Variants in ZNF558 observed in about 807,000 individuals in gnomAD.
ZNF558 encodes zinc finger protein 558.
Under a neutral mutation model 37.6 loss-of-function variants are expected in ZNF558, and 23 were observed. The observed-to-expected ratio is 0.61, with a 90% CI of 0.44 to 0.87. The LOEUF (loss-of-function observed/expected upper bound fraction) is 0.87, where lower values mean the gene tolerates loss of function less well. ZNF558 is among the 40% of genes least tolerant of loss of function. The pLI is 0.00. For missense variants in ZNF558, 429 were observed against 483.7 expected (o/e 0.89, Z 1.06); for synonymous variants, 189 against 174.4 (o/e 1.08, Z -0.66).
intron 7 of ZNF558, 131 bp downstream of exon 7, chr19:8,821,049 G>A (rs1000262306): frequency 2.9e-6 from 4 of 1,361,596 alleles, no homozygotes; most frequent in Middle Eastern, 4.4e-4. Flanking sequence ...CACTGGACTG[G>A]ATATCTTAGA....
In ZNF558 at chr19:8,809,153, T is replaced by C. The variant is rs916160404; in HGVS notation, c.*2128A>G. The C allele has an allele frequency of 1.2e-4, 18 of 152,238 alleles. No individual in the cohort carries two copies. The highest frequency in any genetic ancestry group is 4.3e-4 in the African/African-American group (18 of 41,466). 9.4% of individuals were successfully genotyped at this position (152,238 alleles called of 1,614,324 possible). ...GCAGATGCAGCCAATCGGAGGCTCC[T>C]GGAGAGCCCAAAGCATTGTGATTTT... On this transcript the variant is annotated 3_prime_UTR_variant, in exon 10 of 10. Coordinates refer to ENST00000601372, the MANE Select transcript of ZNF558 (RefSeq NM_144693.3).
rs782222908 is a variant in ZNF558 at position 8,811,230 on chromosome 19, T to C, written c.*51A>G. On this transcript the variant is annotated 3_prime_UTR_variant, in exon 10 of 10. Coordinates refer to ENST00000601372, the MANE Select transcript of ZNF558 (RefSeq NM_144693.3). ...CCAGTGTGAGCTCTCTCAAACTATC[T>C]TAGGGATGAAAGATCAATGAGTGCT... The C allele has an allele frequency of 6.6e-7, 1 of 1,505,392 alleles. No homozygotes were observed. The highest frequency in any genetic ancestry group is 8.9e-7 in the Non-Finnish European group (1 of 1,124,306). 93.3% of individuals were successfully genotyped at this position (1,505,392 alleles called of 1,614,324 possible).
chr19:8,826,718 T>C (rs1044670104), intron 2 of ZNF558, among the ~76,000 whole-genome samples: 1 of 152,170 alleles, frequency 6.6e-6, no homozygotes, highest in African/African-American at 2.4e-5. Context: ...CTAGAGGGAA[T>C]GCAGGCCTTC....
intron 2 of ZNF558, among the ~76,000 whole-genome samples, chr19:8,829,089 C>G (rs2044294530): frequency 6.6e-6 from 1 of 151,982 alleles, no homozygotes; most frequent in Non-Finnish European, 1.5e-5. Flanking sequence ...TGGTGAAACC[C>G]CGTCTCTACT....
At position 8,808,786 on chromosome 19, in the gene ZNF558, ATTTG is replaced by A. The variant is rs1255909713; in HGVS notation, c.*2491_*2494del. On this transcript the variant is annotated 3_prime_UTR_variant, in exon 10 of 10. Transcript: ENST00000601372. The stretch of plus-strand genomic sequence containing the variant: ...GGGGTTTCTTTTTTTAAAAATATTT[ATTTG>A]TTTATTTTGAGATGGAGTCTCGCTC... 28 of 152,062 alleles carry A rather than the reference ATTTG, an allele frequency of 1.8e-4. No individual in the cohort carries two copies. Among genetic ancestry groups the A allele is most frequent in the African/African-American group, 6.5e-4 (27 of 41,494 alleles). The allele number at this position is 152,062 out of a possible 1,614,324, so 9.4% of individuals were successfully genotyped here.
chr19:8,813,038 G>T, intron 8 of ZNF558, 89 bp downstream of exon 8: 2 of 1,017,460 alleles, frequency 2.0e-6, no homozygotes, highest in Non-Finnish European at 3.0e-6. Flanking sequence ...AAAGTTCCCT[G>T]ATTGACATGA....
rs2145154000 is a variant in ZNF558 at position 8,806,459 on chromosome 19, G to T, written c.*4822C>A. On this transcript the variant is annotated 3_prime_UTR_variant, in exon 10 of 10. Coordinates refer to ENST00000601372, the MANE Select transcript of ZNF558 (RefSeq NM_144693.3). Reference sequence around the variant, plus strand: ...CACGCCTGTAATCCCAGCACTTTGGGAGACCGAGGTGGGCAAATCATGTGA... The same window carrying T: ...CACGCCTGTAATCCCAGCACTTTGGTAGACCGAGGTGGGCAAATCATGTGA... 6.6e-6 allele frequency: 1 copy of T among 152,278 alleles called. No homozygotes were observed. Among genetic ancestry groups the T allele is most frequent in the African/African-American group, 2.4e-5 (1 of 41,554 alleles). The allele number at this position is 152,278 out of a possible 1,614,324, so 9.4% of individuals were successfully genotyped here.
rs782070617 is a variant in ZNF558 at position 8,811,615 on chromosome 19, T to C, written c.875A>G (p.Tyr292Cys). Residue 292 changes from tyrosine to cysteine, a missense_variant, in exon 10 of 10, where the codon TAT (tyrosine) becomes TGT (cysteine). Coordinates refer to ENST00000601372, the MANE Select transcript of ZNF558 (RefSeq NM_144693.3). ...HNSIHTGEKP[Y>C]ECHDCGKTFR... ...GGTTTTCCCACAATCGTGACATTCA[T>C]AAGGTTTCTCCCCTGTATGAATGCT... The C allele has an allele frequency of 3.1e-6, 5 of 1,614,064 alleles. No individual in the cohort carries two copies. The highest frequency in any genetic ancestry group is 2.5e-6 in the Non-Finnish European group (3 of 1,180,034).
chr19:8,835,420 T>C (rs2044445195), upstream of ZNF558, among the ~76,000 whole-genome samples: 1 of 152,122 alleles, frequency 6.6e-6, no homozygotes, highest in African/African-American at 2.4e-5. Flanking sequence ...AATATATACA[T>C]GAAAAGATGC....
chr19:8,838,024 G>A, the ZNF558 span, among the ~76,000 whole-genome samples: 1 of 151,486 alleles, frequency 6.6e-6, no homozygotes, highest in Admixed American at 6.6e-5. Context: ...CGAGGCGGGC[G>A]GATCATGACA....
chr19:8,836,781 T>C (rs2044460686), upstream of ZNF558, among the ~76,000 whole-genome samples: 1 of 152,194 alleles, frequency 6.6e-6, no homozygotes, highest in Non-Finnish European at 1.5e-5. Context: ...CATGACCCCA[T>C]CGTATCCAGC....
chr19:8,835,418 C>G (rs1357107102), upstream of ZNF558, among the ~76,000 whole-genome samples: 1 of 152,150 alleles, frequency 6.6e-6, no homozygotes, highest in Non-Finnish European at 1.5e-5. Flanking sequence ...CAAATATATA[C>G]ATGAAAAGAT....
chr19:8,812,383 G>A (rs1555768576), intron 9 of ZNF558, among the ~76,000 whole-genome samples, 178 bp downstream of exon 9: 2 of 152,148 alleles, frequency 1.3e-5, no homozygotes, highest in African/African-American at 2.4e-5. Context: ...AATAAGTTTG[G>A]AGCTAACTCA....
rs1360580873 is a variant in ZNF558, at chr19:8,821,295, G to A, written c.132C>T (p.Thr44=). The A allele has an allele frequency of 4.3e-6, 7 of 1,614,064 alleles. No individual in the cohort carries two copies. Among genetic ancestry groups the A allele is most frequent in the Non-Finnish European group, 5.9e-6 (7 of 1,180,048 alleles). ...TGAACTCCACGGCCACATCCTCGAA[G>A]GTTACCAAGCCCTAAAGCATTGCAA... is the stretch of plus-strand genomic sequence containing the variant. ...LLTSWLRGLV[T]FEDVAVEFTQ... Residue 44 remains threonine, a synonymous_variant, in exon 7 of 10, where the codon ACC becomes ACT. Transcript: ENST00000601372.
In ZNF558 at chr19:8,811,111, A is replaced by T; in HGVS notation, c.*170T>A. On this transcript the variant is annotated 3_prime_UTR_variant, in exon 10 of 10. Transcript: ENST00000601372. ...GAGATAAGCTGTTCTTGAATTCCTGATCTGTAGAAATTGTTAGAGAATAAA... is the reference window on the plus strand; with the variant it reads ...GAGATAAGCTGTTCTTGAATTCCTGTTCTGTAGAAATTGTTAGAGAATAAA... 3.3e-6 allele frequency: 2 copies of T among 610,542 alleles called. No individual in the cohort carries two copies. The highest frequency in any genetic ancestry group is 5.5e-6 in the Non-Finnish European group (2 of 360,588). 37.8% of individuals were successfully genotyped at this position (610,542 alleles called of 1,614,324 possible).
chr19:8,834,477 G>T (rs538872795), upstream of ZNF558, among the ~76,000 whole-genome samples: 145 of 151,824 alleles, frequency 9.6e-4, 3 homozygotes, highest in African/African-American at 3.4e-3. Context: ...GCGTGGTGGC[G>T]GGCGCCTATA....
Position 8,806,706 on chromosome 19 carries a change from A to AC in ZNF558, c.*4574_*4575insG, listed in dbSNP as rs2043706978. 6.6e-6 allele frequency: 1 copy of AC among 151,770 alleles called. No individual in the cohort carries two copies. The highest frequency in any genetic ancestry group is 2.1e-4 in the South Asian group (1 of 4,800). 9.4% of individuals were successfully genotyped at this position (151,770 alleles called of 1,614,324 possible). A position where few individuals can be genotyped will look rare whatever the true frequency, so the allele number is the denominator to read the frequency against. On this transcript the variant is annotated 3_prime_UTR_variant, in exon 10 of 10. Transcript: ENST00000601372. ...GAGTGAGACTCCATCTCAAAAAAAA[A>AC]AAAAAAAATATTCCCTCCCATTGGA...
At position 8,821,242 on chromosome 19, in the gene ZNF558, G is replaced by C; in HGVS notation, c.185C>G (p.Pro62Arg). The C allele has an allele frequency of 6.2e-7, 1 of 1,614,184 alleles. No individual in the cohort carries two copies. The highest frequency in any genetic ancestry group is 8.5e-7 in the Non-Finnish European group (1 of 1,180,032). Residue 62 changes from proline to arginine, a missense_variant, in exon 7 of 10, where the codon CCT (proline) becomes CGT (arginine). Coordinates refer to ENST00000601372, the MANE Select transcript of ZNF558 (RefSeq NM_144693.3). Reference protein sequence around the residue: ...FTQEEWALLDPAQRTLYRDVM... With the variant: ...FTQEEWALLDRAQRTLYRDVM... Reference sequence around the variant, plus strand: ...ATCCCTGTACAGTGTCCTTTGGGCAGGGTCCAGCAACGCCCACTCCTCCTG... The same window carrying C: ...ATCCCTGTACAGTGTCCTTTGGGCACGGTCCAGCAACGCCCACTCCTCCTG...
chr19:8,815,457 G>A (rs1316161893), intron 7 of ZNF558, among the ~76,000 whole-genome samples: 7 of 152,060 alleles, frequency 4.6e-5, no homozygotes, highest in Admixed American at 3.3e-4. Flanking sequence ...CATGAAGATA[G>A]GACAATCGAT....
Sources: allele counts gnomAD v4.1 joint callset (sites outside exome capture counted in the v4.1 genomes callset), GRCh38; gene constraint gnomAD v4.1.1; transcripts MANE v1.5; gene names NCBI Gene and HGNC (gene_info 2026-07-23, HGNC 2026-07-21).